Variants in THSD7B observed in about 807,000 individuals in gnomAD.
THSD7B encodes the protein thrombospondin type-1 domain-containing protein 7B.
In THSD7B, 138 loss-of-function variants were observed where a neutral mutation model predicts 213.6. The observed-to-expected ratio is 0.65, with a 90% CI of 0.56 to 0.74. The LOEUF (loss-of-function observed/expected upper bound fraction) is 0.74. Ranked by LOEUF, THSD7B falls within the 30% of genes least tolerant of loss-of-function variation. THSD7B has a pLI of 0.00. For synonymous variants in THSD7B, 742 were observed against 687.0 expected, an observed-to-expected ratio of 1.08 and a Z score of -1.25; for missense variants, 1,931 against 1,991.5, an observed-to-expected ratio of 0.97 and a Z score of 0.58.
chr2:136,807,104 T>C (rs1331651626), intron 1 of THSD7B, among the ~76,000 whole-genome samples: 1 of 152,212 alleles, frequency 6.6e-6, no homozygotes, highest in Non-Finnish European at 1.5e-5. Context: ...AGGGTAGTGC[T>C]GGGAGGCTTC....
At chr2:137,095,391 T>G (rs1037171562) in intron 4 of THSD7B, among the ~76,000 whole-genome samples, 13 of 152,208 alleles carry the variant, frequency 8.5e-5, no homozygotes, top group African/African-American at 3.1e-4. Context: ...AGTACTTAAT[T>G]CATCCTGTGT....
chr2:136,932,513 A>AAT, intron 2 of THSD7B, among the ~76,000 whole-genome samples: 1 of 152,154 alleles, frequency 6.6e-6, no homozygotes, highest in African/African-American at 2.4e-5. Context: ...CTCTACTGAT[A>AAT]ACATAAACAG....
intron 12 of THSD7B, among the ~76,000 whole-genome samples, chr2:137,401,759 G>A (rs7609502): frequency 0.084 from 12,658 of 151,106 alleles, 1,113 homozygotes; most frequent in African/African-American, 0.22. Flanking sequence ...CTAACTTTGC[G>A]TGCATTTGTT....
At chr2:136,977,801 GTTTTT>G (rs56053958) in intron 2 of THSD7B, among the ~76,000 whole-genome samples, 409 of 105,930 alleles carry the variant, frequency 3.9e-3, no homozygotes, top group Non-Finnish European at 5.7e-3. Context: ...TCTTTTCTTT[GTTTTT>G]TTTTTTTTTT....
chr2:137,392,718 A>T (rs1686062175), intron 12 of THSD7B, among the ~76,000 whole-genome samples: 1 of 152,112 alleles, frequency 6.6e-6, no homozygotes, highest in Admixed American at 6.5e-5. Flanking sequence ...TATATATTTT[A>T]GGAGGAGCAT....
chr2:137,023,214 A>G (rs371468168), intron 2 of THSD7B, among the ~76,000 whole-genome samples: 1 of 152,174 alleles, frequency 6.6e-6, no homozygotes, highest in Non-Finnish European at 1.5e-5. Flanking sequence ...CCATTCCTAG[A>G]CTTGGAGGGA....
At chr2:136,974,450 T>C (rs1280636547) in intron 2 of THSD7B, among the ~76,000 whole-genome samples, 1 of 152,054 alleles carries the variant, frequency 6.6e-6, no homozygotes, top group Non-Finnish European at 1.5e-5. Context: ...AAATGTGGGA[T>C]TTGGTTTTCT....
intron 6 of THSD7B, among the ~76,000 whole-genome samples, chr2:137,166,212 G>A (rs2104990353): frequency 6.6e-6 from 1 of 152,146 alleles, no homozygotes; most frequent in East Asian, 1.9e-4. Flanking sequence ...TGCTTGTCAA[G>A]TAAAGCTAGG....
intron 12 of THSD7B, among the ~76,000 whole-genome samples, chr2:137,398,736 G>A (rs1377796290): frequency 6.6e-6 from 1 of 152,204 alleles, no homozygotes; most frequent in Non-Finnish European, 1.5e-5. Context: ...ATCAAGCCTG[G>A]GCAATGGTGG....
chr2:136,783,107 T>C (rs1681773701), intron 1 of THSD7B, among the ~76,000 whole-genome samples: 1 of 152,198 alleles, frequency 6.6e-6, no homozygotes, highest in African/African-American at 2.4e-5. Context: ...CTGTGAAGAC[T>C]GTGTTTGCTT....
intron 2 of THSD7B, among the ~76,000 whole-genome samples, chr2:136,899,429 G>A (rs1231904592): frequency 6.6e-6 from 1 of 152,002 alleles, no homozygotes; most frequent in Non-Finnish European, 1.5e-5. Context: ...CTTTTCTTCT[G>A]GGAACATGTG....
At chr2:136,956,492 A>T (rs893520180) in intron 2 of THSD7B, among the ~76,000 whole-genome samples, 2 of 150,456 alleles carry the variant, frequency 1.3e-5, no homozygotes, top group African/African-American at 2.4e-5. Context: ...ATTTTTTTAA[A>T]TTTTTTTATT....
At chr2:137,577,410 A>G (rs751006310) in intron 17 of THSD7B, among the ~76,000 whole-genome samples, 1 of 152,026 alleles carries the variant, frequency 6.6e-6, no homozygotes, top group Non-Finnish European at 1.5e-5. Flanking sequence ...ACACAGTCTG[A>G]TTTCTTTGAT....
chr2:137,515,511 G>A (rs1290370957), intron 15 of THSD7B, among the ~76,000 whole-genome samples: 3 of 152,126 alleles, frequency 2.0e-5, no homozygotes, highest in African/African-American at 7.2e-5. Context: ...CCACAAGGAG[G>A]TACATGCCAC....
chr2:136,972,544 C>A (rs1359243936), intron 2 of THSD7B, among the ~76,000 whole-genome samples: 1 of 152,136 alleles, frequency 6.6e-6, no homozygotes, highest in Non-Finnish European at 1.5e-5. Context: ...TAAGTAACAT[C>A]ATTATATTCC....
At chr2:137,418,587 A>T (rs897972323) in intron 14 of THSD7B, among the ~76,000 whole-genome samples, 3 of 152,214 alleles carry the variant, frequency 2.0e-5, no homozygotes, top group African/African-American at 7.2e-5. Context: ...GAAATGTACA[A>T]TAGGTTAATG....
chr2:137,266,519 G>A (rs1474155603), intron 10 of THSD7B, among the ~76,000 whole-genome samples: 1 of 152,202 alleles, frequency 6.6e-6, no homozygotes, highest in Non-Finnish European at 1.5e-5. Flanking sequence ...ACTTCAGGGT[G>A]AGAACCAGGA....
At chr2:137,091,491 T>TTTTTATTTTATTTTATTTTATTTTA (rs10660951) in intron 3 of THSD7B, among the ~76,000 whole-genome samples, 80 of 150,758 alleles carry the variant, frequency 5.3e-4, no homozygotes, top group African/African-American at 1.6e-3. Flanking sequence ...AAACAACAGA[T>TTTTTATTTTATTTTATTTTATTTTA]TTTTATTTTA....
At chr2:137,171,958 G>T (rs541815263) in intron 7 of THSD7B, among the ~76,000 whole-genome samples, 1 of 151,758 alleles carries the variant, frequency 6.6e-6, no homozygotes, top group Non-Finnish European at 1.5e-5. Flanking sequence ...ATAACAGATT[G>T]TATTAGCTAC....
Sources: allele counts gnomAD v4.1 joint callset (sites outside exome capture counted in the v4.1 genomes callset), GRCh38; gene constraint gnomAD v4.1.1; transcripts MANE v1.5; gene names NCBI Gene and HGNC (gene_info 2026-07-23, HGNC 2026-07-21).